Variants in ITGB2 observed in about 807,000 individuals in gnomAD.
ITGB2 encodes the protein integrin subunit beta 2.
ITGB2 carries 56 observed loss-of-function variants against 86.8 expected under a neutral mutation model. That is an observed-to-expected ratio of 0.65 (90% CI 0.52 to 0.81). ITGB2 has a LOEUF of 0.81. ITGB2 is among the 30% of genes least tolerant of loss of function. The pLI is 0.00. For synonymous variants in ITGB2, 457 were observed against 450.4 expected, an observed-to-expected ratio of 1.01 and a Z score of -0.19; for missense variants, 948 against 1,061.2, an observed-to-expected ratio of 0.89 and a Z score of 1.48.
chr21:44,888,935 C>CGG (rs35293792), intron 13 of ITGB2, 40 bp from the exon 14 acceptor site: 8 of 1,535,852 alleles, frequency 5.2e-6, no homozygotes, highest in Non-Finnish European at 7.0e-6. Context: ...CCAGGGTGTG[C>CGG]GGGGGCTCCG....
intron 8 of ITGB2, among the ~76,000 whole-genome samples, chr21:44,898,288 G>T (rs1433029348): frequency 6.6e-6 from 1 of 152,160 alleles, no homozygotes; most frequent in Non-Finnish European, 1.5e-5. Flanking sequence ...ATGGAGCGCC[G>T]CCCACACCCC....
At chr21:44,925,402 AGAAG>A (rs1308635026), upstream of ITGB2, among the ~76,000 whole-genome samples, 23 of 138,096 alleles carry the variant, frequency 1.7e-4, no homozygotes, top group Non-Finnish European at 2.5e-4. Flanking sequence ...AAAGAAAGGA[AGAAG>A]GAAGGGAGGG....
At chr21:44,903,568 C>T in intron 4 of ITGB2, 33 bp from the exon 5 acceptor site, 1 of 1,613,018 alleles carries the variant, frequency 6.2e-7, no homozygotes, top group South Asian at 1.1e-5. Flanking sequence ...AGGAGCCACA[C>T]CTCACATCTC....
intron 14 of ITGB2, among the ~76,000 whole-genome samples, chr21:44,887,581 G>A (rs145190180): frequency 2.6e-5 from 4 of 151,932 alleles, no homozygotes; most frequent in Non-Finnish European, 4.4e-5. Context: ...ATCCTGATCT[G>A]CACCCTCACT....
In ITGB2 at chr21:44,893,464, A is replaced by T; in HGVS notation, c.1164T>A (p.Asn388Lys). ...TGGGCTGGTTCCTGTGCGTCACTCC[A>T]TTGCTGCAGAAGGAGTCGTAGGTGA... The part of the protein sequence containing the change: ...LKVTYDSFCS[N>K]GVTHRNQPRG... Residue 388 changes from asparagine to lysine, a missense_variant, in exon 10 of 16, where the codon AAT (asparagine) becomes AAA (lysine). By Grantham distance (94) the Asn-to-Lys change is moderately conservative (BLOSUM62 0). Coordinates refer to ENST00000652462, the MANE Select transcript of ITGB2 (RefSeq NM_000211.5). The T allele has an allele frequency of 6.2e-7, 1 of 1,614,022 alleles. No individual in the cohort carries two copies. Among genetic ancestry groups the T allele is most frequent in the South Asian group, 1.1e-5 (1 of 91,070 alleles).
chr21:44,900,083 G>C (rs1329205225), intron 7 of ITGB2, among the ~76,000 whole-genome samples: 1 of 152,222 alleles, frequency 6.6e-6, no homozygotes, highest in African/African-American at 2.4e-5. Flanking sequence ...CAGAGCCTGG[G>C]TGTCCCACAA....
At chr21:44,902,071 T>C (rs1601306961) in intron 5 of ITGB2, among the ~76,000 whole-genome samples, 3 of 152,236 alleles carry the variant, frequency 2.0e-5, no homozygotes, top group Middle Eastern at 3.2e-3. Flanking sequence ...TCTGCATGTG[T>C]AAACATGAGT....
intron 10 of ITGB2, 139 bp from the exon 11 acceptor site, chr21:44,892,135 A>T: frequency 1.2e-6 from 1 of 849,296 alleles, no homozygotes; most frequent in Non-Finnish European, 1.9e-6. Context: ...GAGCAGGAAG[A>T]GCTGATGCTC....
chr21:44,925,002 T>C (rs1014568433), upstream of ITGB2, among the ~76,000 whole-genome samples: 1 of 152,186 alleles, frequency 6.6e-6, no homozygotes, highest in Non-Finnish European at 1.5e-5. Flanking sequence ...TTGTAGAGTT[T>C]TCTTTACTAA....
intron 9 of ITGB2, chr21:44,894,762 C>T: frequency 1.6e-6 from 1 of 620,520 alleles, no homozygotes; most frequent in Non-Finnish European, 2.9e-6. Flanking sequence ...CCCACAACAT[C>T]AACGAGAGAG....
intron 9 of ITGB2, 175 bp from the exon 10 acceptor site, chr21:44,893,719 C>CCG: frequency 1.2e-6 from 1 of 809,144 alleles, no homozygotes; most frequent in Non-Finnish European, 2.0e-6. Context: ...GCTGCCAGGG[C>CCG]CACAGTCCTG....
At chr21:44,924,867 A>C (rs944450678), upstream of ITGB2, among the ~76,000 whole-genome samples, 1 of 152,214 alleles carries the variant, frequency 6.6e-6, no homozygotes, top group Non-Finnish European at 1.5e-5. Context: ...AGAAGGAGGC[A>C]TTGAAGAATA....
At chr21:44,909,220 C>T (rs1460041782) in intron 3 of ITGB2, 2 of 152,286 alleles carry the variant, frequency 1.3e-5, no homozygotes, top group African/African-American at 4.8e-5. Flanking sequence ...GGGATGCCGT[C>T]TCAGCAGAGC....
chr21:44,889,994 C>T lies in ITGB2; in HGVS notation c.1641G>A (p.Gln547=), dbSNP rs767772567. The change falls in exon 12 of 16, where the codon CAG becomes CAA. Residue 547 remains glutamine (Q), a synonymous_variant. Coordinates refer to ENST00000652462, the MANE Select transcript of ITGB2 (RefSeq NM_000211.5). The stretch of plus-strand genomic sequence containing the variant: ...CGGGCTCACCCGGGCCGCCGCAGAC[C>T]TGGCCGTTGTAGCGCTCACAGTTGA... ...DTINCERYNG[Q]VCGGPGRGLC... is the part of the protein sequence containing the mutation. 7 of 1,613,184 alleles carry T rather than the reference C, an allele frequency of 4.3e-6. No homozygotes were observed. The East Asian group carries it at 1.6e-4, about 36-fold the overall frequency.
chr21:44,902,382 C>A (rs192765796), intron 5 of ITGB2, among the ~76,000 whole-genome samples: 2 of 150,422 alleles, frequency 1.3e-5, no homozygotes, highest in Non-Finnish European at 3.0e-5. Flanking sequence ...CGTGCATTCA[C>A]GTGTGTGAGC....
rs1462177477 is a variant in ITGB2 at position 44,900,195 on chromosome 21, A to G, written c.897+125T>C. 6 of 1,315,270 alleles carry G rather than the reference A, an allele frequency of 4.6e-6. No individual in the cohort carries two copies. In the East Asian group the frequency reaches 1.2e-4, roughly 27 times the overall value. 81.5% of individuals were successfully genotyped at this position (1,315,270 alleles called of 1,614,324 possible). On this transcript the variant is annotated intron_variant, in intron 7 of 15. Transcript: ENST00000652462. Reference sequence around the variant, plus strand: ...CCACGCTGCCACTTGGGGCTTCCAGAAGTTTCCTCAGGAATCTGCTCCTTG... The same window carrying G: ...CCACGCTGCCACTTGGGGCTTCCAGGAGTTTCCTCAGGAATCTGCTCCTTG...
intron 5 of ITGB2, among the ~76,000 whole-genome samples, chr21:44,902,223 G>A (rs1054130079): frequency 7.2e-5 from 11 of 152,238 alleles, no homozygotes; most frequent in Non-Finnish European, 1.6e-4. Context: ...ACATGTGAGT[G>A]AAGACATACA....
chr21:44,897,062 G>A (rs999383947), intron 8 of ITGB2, among the ~76,000 whole-genome samples: 4 of 152,108 alleles, frequency 2.6e-5, no homozygotes, highest in African/African-American at 7.2e-5. Flanking sequence ...CCACTGTCCC[G>A]GCAGCCTGAC....
chr21:44,925,830 G>A (rs1724686259), upstream of ITGB2, among the ~76,000 whole-genome samples: 1 of 152,208 alleles, frequency 6.6e-6, no homozygotes, highest in Non-Finnish European at 1.5e-5. Flanking sequence ...TGTAATCCCA[G>A]CACTTTTGGA....
Sources: gnomAD v4.1 joint callset for allele counts (sites outside exome capture counted in the v4.1 genomes callset) on GRCh38, gnomAD v4.1.1 for gene constraint, MANE v1.5 for transcripts, NCBI Gene and HGNC (gene_info 2026-07-23, HGNC 2026-07-21) for gene names.